Variants in HECW2 observed in about 807,000 individuals in gnomAD.
HECW2 encodes the protein HECT, C2 and WW domain containing E3 ubiquitin protein ligase 2.
In HECW2, 61 loss-of-function variants were observed where a neutral mutation model predicts 175.2. The ratio of observed to expected loss-of-function variants is 0.35; its 90% CI spans 0.28 to 0.43. The LOEUF (loss-of-function observed/expected upper bound fraction) is 0.43, where lower values mean the gene tolerates loss of function less well. Among genes scored for constraint, HECW2 ranks in the 20% least tolerant of loss-of-function variants. The probability of loss-of-function intolerance (pLI) is 1.00; values close to 1 mark genes in which losing one functional copy is unlikely to be tolerated. For missense variants in HECW2, 1,524 were observed against 2,000.5 expected (o/e 0.76, Z 4.54); for synonymous variants, 671 against 731.0 (o/e 0.92, Z 1.32).
At chr2:196,278,133 A>ATATATATATATATATATATATAT (rs1553489735) in intron 15 of HECW2, among the ~76,000 whole-genome samples, 1,675 of 66,272 alleles carry the variant, frequency 0.025, 466 homozygotes, top group East Asian at 0.054. Context: ...ATAATTAAAA[A>ATATATATATATATATATATATAT]ATATATATAT....
At chr2:196,492,422 C>G (rs1687233337) in intron 1 of HECW2, among the ~76,000 whole-genome samples, 2 of 152,142 alleles carry the variant, frequency 1.3e-5, no homozygotes, top group South Asian at 4.2e-4. Context: ...ATGCCCAGTG[C>G]CATGTGGAAT....
chr2:196,240,348 G>A, intron 21 of HECW2, 101 bp downstream of exon 21: 1 of 795,870 alleles, frequency 1.3e-6, no homozygotes, highest in Non-Finnish European at 2.0e-6. Flanking sequence ...GCACTTCCTG[G>A]CAGAAGGATT....
chr2:196,285,383 G>T (rs754151259), intron 14 of HECW2, among the ~76,000 whole-genome samples: 11 of 152,134 alleles, frequency 7.2e-5, no homozygotes, highest in Non-Finnish European at 1.5e-4. Context: ...GCTACAGAAA[G>T]ACAGAACATC....
chr2:196,425,754 T>G (rs563092746), intron 2 of HECW2, among the ~76,000 whole-genome samples: 1 of 152,248 alleles, frequency 6.6e-6, no homozygotes, highest in South Asian at 2.1e-4. Context: ...AATCTACTCC[T>G]GATAAAGAAG....
intron 1 of HECW2, among the ~76,000 whole-genome samples, chr2:196,464,211 G>C (rs1696857631): frequency 6.6e-6 from 1 of 151,960 alleles, no homozygotes; most frequent in Non-Finnish European, 1.5e-5. Flanking sequence ...TTTATCACCA[G>C]CTGTTATTGC....
intron 21 of HECW2, among the ~76,000 whole-genome samples, chr2:196,231,185 T>G (rs1688043968): frequency 6.6e-6 from 1 of 151,846 alleles, no homozygotes; most frequent in Non-Finnish European, 1.5e-5. Flanking sequence ...CCCTGTGTCT[T>G]TTAGAAACAG....
At chr2:196,382,795 T>TA (rs113818531) in intron 2 of HECW2, among the ~76,000 whole-genome samples, 1 of 65,204 alleles carries the variant, frequency 1.5e-5, no homozygotes, top group Admixed American at 2.1e-4. Context: ...CCAGGGTAGC[T>TA]CCATGATAAC....
intron 2 of HECW2, among the ~76,000 whole-genome samples, chr2:196,427,974 T>C (rs1173477899): frequency 6.6e-6 from 1 of 152,198 alleles, no homozygotes; most frequent in African/African-American, 2.4e-5. Context: ...TTCACATGCA[T>C]ATGTTTTCCC....
chr2:196,251,056 T>C (rs975460488), intron 19 of HECW2, among the ~76,000 whole-genome samples: 1 of 152,142 alleles, frequency 6.6e-6, no homozygotes, highest in African/African-American at 2.4e-5. Flanking sequence ...TATCCCCCTT[T>C]TGAGACAGGG....
chr2:196,210,741 G>A (rs1422872069), intron 28 of HECW2, among the ~76,000 whole-genome samples: 1 of 151,396 alleles, frequency 6.6e-6, no homozygotes, highest in Admixed American at 6.6e-5. Context: ...AGCCTCCCGA[G>A]TAGCTGGGAT....
At chr2:196,317,857 T>C (rs535648688) in intron 9 of HECW2, among the ~76,000 whole-genome samples, 14 of 152,304 alleles carry the variant, frequency 9.2e-5, no homozygotes, top group Middle Eastern at 3.4e-3. Context: ...AAGGAATCAT[T>C]CTAGAGAGCT....
chr2:196,556,157 T>A (rs1689785351), intron 1 of HECW2, among the ~76,000 whole-genome samples: 1 of 152,242 alleles, frequency 6.6e-6, no homozygotes, highest in Non-Finnish European at 1.5e-5. Context: ...TTCTTGCAGC[T>A]TCACTGAGGT....
chr2:196,560,730 G>A (rs554340715), intron 1 of HECW2, among the ~76,000 whole-genome samples: 24 of 152,258 alleles, frequency 1.6e-4, no homozygotes, highest in African/African-American at 2.6e-4. Context: ...ATACTGTTGC[G>A]GGAAGTCAGG....
At chr2:196,234,590 T>C (rs1046101236) in intron 21 of HECW2, among the ~76,000 whole-genome samples, 6 of 152,160 alleles carry the variant, frequency 3.9e-5, no homozygotes, top group Non-Finnish European at 7.4e-5. Context: ...CCACCATGCC[T>C]AGCATCTAGG....
chr2:196,257,691 A>C (rs190134624), intron 18 of HECW2, 132 bp downstream of exon 18: 33 of 656,592 alleles, frequency 5.0e-5, no homozygotes, highest in African/African-American at 4.7e-4. Context: ...TAAATCTTCA[A>C]AATATTTCCA....
At chr2:196,455,654 G>GA (rs35501514) in intron 1 of HECW2, among the ~76,000 whole-genome samples, 1 of 151,818 alleles carries the variant, frequency 6.6e-6, no homozygotes, top group Admixed American at 6.6e-5. Context: ...TCTCTTTTGG[G>GA]AAAAAAGTAC....
Position 196,203,919 on chromosome 2 carries a change from T to C in HECW2, c.4608-2531A>G, listed in dbSNP as rs191717743. Among the ~76,000 whole-genome samples, 358 of 152,340 alleles carry C rather than the reference T, an allele frequency of 2.4e-3. 2 individuals are homozygous for C. The Middle Eastern group carries it at 0.031, about 13-fold the overall frequency. ...ACCACCATTCTACTTTGTGTCTCTA[T>C]GAATTTCACTACCCTATGTACTTCA... On this transcript the variant is annotated intron_variant, in intron 28 of 28. Transcript: ENST00000644978.
intron 10 of HECW2, among the ~76,000 whole-genome samples, chr2:196,310,964 T>C (rs370942031): frequency 3.5e-4 from 53 of 152,324 alleles, no homozygotes; most frequent in East Asian, 2.7e-3. Flanking sequence ...TAGGAATCTA[T>C]AAAATTATGC....
At chr2:196,286,611 C>A (rs150005651) in intron 14 of HECW2, among the ~76,000 whole-genome samples, 1 of 152,088 alleles carries the variant, frequency 6.6e-6, no homozygotes, top group African/African-American at 2.4e-5. Context: ...TGTACACTTA[C>A]GCATTAATTC....
Sources: gnomAD v4.1 joint callset for allele counts (sites outside exome capture counted in the v4.1 genomes callset) on GRCh38, gnomAD v4.1.1 for gene constraint, MANE v1.5 for transcripts, NCBI Gene and HGNC (gene_info 2026-07-23, HGNC 2026-07-21) for gene names.